PDGFRB: variants seen among roughly 807,000 people sequenced by gnomAD.
PDGFRB encodes the protein platelet derived growth factor receptor beta, also known as platelet-derived growth factor receptor beta.
PDGFRB carries 42 observed loss-of-function variants against 120.2 expected under a neutral mutation model. The ratio of observed to expected loss-of-function variants is 0.35; its 90% CI spans 0.27 to 0.45. The LOEUF (loss-of-function observed/expected upper bound fraction) is 0.45. PDGFRB is among the 20% of genes least tolerant of loss of function. The pLI is 1.00. For synonymous variants in PDGFRB, 586 were observed against 606.8 expected (o/e 0.97, Z 0.50); for missense variants, 1,149 against 1,476.3 (o/e 0.78, Z 3.63).
rs1258691918 is a variant in PDGFRB, at chr5:150,120,824, G to A, written c.2586+64C>T. ...TGAGCTGCAGCCACACTGGTCAGGA[G>A]GGAATCTGTTCCTGCGGTCACAGGC... is the stretch of plus-strand genomic sequence containing the variant. On this transcript the variant is annotated intron_variant, in intron 18 of 22. Coordinates refer to ENST00000261799, the MANE Select transcript of PDGFRB (RefSeq NM_002609.4). This position sits in a 1 kb window ranked among gnomAD's most constrained non-coding sequence, Gnocchi z 4.3. 2 of 1,514,794 alleles carry A rather than the reference G, an allele frequency of 1.3e-6. No homozygotes were observed. The highest frequency in any genetic ancestry group is 2.3e-5 in the East Asian group (1 of 44,206). The allele number at this position is 1,514,794 out of a possible 1,614,324, so 93.8% of individuals were successfully genotyped here. A position where few individuals can be genotyped will look rare whatever the true frequency, so the allele number is the denominator to read the frequency against.
rs1275782243 is a variant in PDGFRB at position 150,135,567 on chromosome 5, T to C, written c.352A>G (p.Ile118Val). 1 of 1,604,690 alleles carries C rather than the reference T, an allele frequency of 6.2e-7. No homozygotes were observed. Among genetic ancestry groups the C allele is most frequent in the Admixed American group, 1.7e-5 (1 of 59,558 alleles). Residue 118 changes from isoleucine to valine, a missense_variant, in exon 3 of 23, where the codon ATC (isoleucine) becomes GTC (valine). Ile to Val is a conservative substitution (Grantham distance 29). This residue lies in a region of PDGFRB where 879 missense variants were observed against 1,108.6 expected (regional missense o/e 0.79). Coordinates refer to ENST00000261799, the MANE Select transcript of PDGFRB (RefSeq NM_002609.4). ...LETDERKRLY[I>V]FVPDPTVGFL... ...TGGGAGCCCTTACCTGGCACAAAGA[T>C]GTAGAGCCGTTTCCGCTCATCGGTC...
At chr5:150,117,456 C>A (rs1336785064) in intron 22 of PDGFRB, among the ~76,000 whole-genome samples, 162 bp downstream of exon 22, 3 of 151,936 alleles carry the variant, frequency 2.0e-5, no homozygotes, top group Non-Finnish European at 4.4e-5. Flanking sequence ...AAATGAGTTC[C>A]ATTCTGTCTT....
chr5:150,147,484 GGGCAGGGGACA>G (rs1760958091), intron 1 of PDGFRB, among the ~76,000 whole-genome samples: 1 of 152,196 alleles, frequency 6.6e-6, no homozygotes, highest in South Asian at 2.1e-4. Context: ...AGAGCCAAGT[GGGCAGGGGACA>G]GGCAGGCCTT....
Position 150,121,616 on chromosome 5 carries a change from T to A in PDGFRB, c.2344+264A>T, listed in dbSNP as rs752056747. Among the ~76,000 whole-genome samples the A allele has an allele frequency of 4.3e-4, 65 of 152,194 alleles. No individual in the cohort carries two copies. Among genetic ancestry groups the A allele is most frequent in the Admixed American group, 3.3e-4 (5 of 15,286 alleles). On this transcript the variant is annotated intron_variant, in intron 16 of 22. Coordinates refer to ENST00000261799, the MANE Select transcript of PDGFRB (RefSeq NM_002609.4). This position sits in a 1 kb window ranked among gnomAD's most constrained non-coding sequence, Gnocchi z 4.1. ...GGGGCTGAAGCTGAGTAGATCACTT[T>A]CCCTACCACGACAAAAGGCCAGGTC... is the stretch of plus-strand genomic sequence containing the variant.
chr5:150,123,269 T>A, intron 14 of PDGFRB, 68 bp from the exon 15 acceptor site: 1 of 1,252,620 alleles, frequency 8.0e-7, no homozygotes, highest in Non-Finnish European at 1.2e-6. Flanking sequence ...GCCATGAGGC[T>A]AATCAGGGGC....
chr5:150,147,201 C>T (rs1760946596), intron 1 of PDGFRB, among the ~76,000 whole-genome samples: 1 of 152,168 alleles, frequency 6.6e-6, no homozygotes. Context: ...TTGCAGAGGG[C>T]CAGGGCCTCT....
In PDGFRB at chr5:150,155,643, A is replaced by G. The variant is rs1261651495; in HGVS notation, c.-253T>C. ...CCCAGCTTCGCCTCACTCCCCAAGC[A>G]TCCTTCGGGAGGAGCAGAGCCGCCA... On this transcript the variant is annotated 5_prime_UTR_variant, in exon 1 of 23. An upstream start codon of the reference 5' UTR is lost. Transcript: ENST00000261799. The G allele has an allele frequency of 2.5e-6, 1 of 398,640 alleles. No homozygotes were observed. The highest frequency in any genetic ancestry group is 4.4e-6 in the Non-Finnish European group (1 of 226,204). 24.7% of individuals were successfully genotyped at this position (398,640 alleles called of 1,614,324 possible).
intron 1 of PDGFRB, among the ~76,000 whole-genome samples, chr5:150,154,843 C>T: frequency 6.6e-6 from 1 of 152,220 alleles, no homozygotes; most frequent in East Asian, 1.9e-4. Flanking sequence ...TTTCCTAGCC[C>T]TCAAACTTTT....
At chr5:150,133,026 C>T (rs2113907481) in intron 6 of PDGFRB, 84 bp from the exon 7 acceptor site, 1 of 966,324 alleles carries the variant, frequency 1.0e-6, no homozygotes, top group Admixed American at 2.3e-5. Context: ...TGGGGTGGGG[C>T]TTCAGGCCTG....
At chr5:150,141,295 A>C (rs1760777449) in intron 1 of PDGFRB, among the ~76,000 whole-genome samples, 1 of 152,242 alleles carries the variant, frequency 6.6e-6, no homozygotes, top group Non-Finnish European at 1.5e-5. Flanking sequence ...ATAGAACCCC[A>C]AATTCACCTG....
rs1257301969 is a variant in PDGFRB, at chr5:150,120,287, C to T, written c.2587-164G>A. 2.6e-5 allele frequency among the ~76,000 whole-genome samples: 4 copies of T among 152,190 alleles called. No homozygotes were observed. The highest frequency in any genetic ancestry group is 4.4e-5 in the Non-Finnish European group (3 of 68,030). On this transcript the variant is annotated intron_variant, in intron 18 of 22. Transcript: ENST00000261799. The surrounding 1 kb of genome is among the most constrained non-coding windows in gnomAD (Gnocchi z 4.3). The stretch of plus-strand genomic sequence containing the variant: ...TGCGCAGCACAGTTCCCATGTCCAT[C>T]CCAGGGCTGGTCAGAGGACCAGAGG...
At chr5:150,150,530 G>A (rs1761046417) in intron 1 of PDGFRB, among the ~76,000 whole-genome samples, 1 of 151,826 alleles carries the variant, frequency 6.6e-6, no homozygotes, top group Non-Finnish European at 1.5e-5. Context: ...GGATTTTAAT[G>A]CGGTTAAAGC....
intron 11 of PDGFRB, among the ~76,000 whole-genome samples, 179 bp downstream of exon 11, chr5:150,126,341 G>A (rs1361270437): frequency 6.6e-6 from 1 of 152,120 alleles, no homozygotes; most frequent in Admixed American, 6.5e-5. Context: ...GCTCAGGTTG[G>A]CCCAGACTGC....
chr5:150,121,856 T>A lies in PDGFRB; in HGVS notation c.2344+24A>T. ...AGCATCAGCCTGTTTGGATGTGGGG[T>A]ACTATGTCACTATGTCCACCCACCA... On this transcript the variant is annotated intron_variant, in intron 16 of 22. Transcript: ENST00000261799. The surrounding 1 kb of genome is among the most constrained non-coding windows in gnomAD (Gnocchi z 4.1). The A allele has an allele frequency of 6.3e-7, 1 of 1,578,686 alleles. No individual in the cohort carries two copies. The highest frequency in any genetic ancestry group is 2.2e-5 in the East Asian group (1 of 44,700).
At position 150,155,431 on chromosome 5, in the gene PDGFRB, C is replaced by G. The variant is rs1410495842; in HGVS notation, c.-41G>C. ...GATGGCTTCTGGTGTGGGCACAGTT[C>G]CAGGCTCTGGACAGTCACCCCCTCC... is the stretch of plus-strand genomic sequence containing the variant. On this transcript the variant is annotated 5_prime_UTR_variant, in exon 1 of 23. Coordinates refer to ENST00000261799, the MANE Select transcript of PDGFRB (RefSeq NM_002609.4). The G allele has an allele frequency of 5.1e-6, 2 of 392,108 alleles. No homozygotes were observed. The highest frequency in any genetic ancestry group is 9.0e-5 in the Admixed American group (2 of 22,314). The allele number at this position is 392,108 out of a possible 1,614,324, so 24.3% of individuals were successfully genotyped here. A position where few individuals can be genotyped will look rare whatever the true frequency, so the allele number is the denominator to read the frequency against.
rs1178411516 is a variant in PDGFRB, at chr5:150,126,430, T to A, written c.1674+90A>T. 8 of 790,380 alleles carry A rather than the reference T, an allele frequency of 1.0e-5. 1 individual carries two copies. Among genetic ancestry groups the A allele is most frequent in the South Asian group, 9.8e-5 (7 of 71,678 alleles). The allele number at this position is 790,380 out of a possible 1,614,324, so 49.0% of individuals were successfully genotyped here. A position where few individuals can be genotyped will look rare whatever the true frequency, so the allele number is the denominator to read the frequency against. On this transcript the variant is annotated intron_variant, in intron 11 of 22. Transcript: ENST00000261799. The stretch of plus-strand genomic sequence containing the variant: ...ATGCTGAGCCCTGCATGTGGCCAGA[T>A]CACGCAGCATTCAAGGAGGGCAGAG...
rs1267571237 is a variant in PDGFRB, at chr5:150,125,533, G to A, written c.1719C>T (p.Ser573=). ...CGTAGATGTACTCATGGCCGTCAGA[G>A]CTCACAGACTCAATCACCTTCCATC... ...EIRWKVIESV[S]SDGHEYIYVD... Residue 573 remains serine, a synonymous_variant, in exon 12 of 23, where the codon AGC becomes AGT. Transcript: ENST00000261799. 1 of 1,613,786 alleles carries A rather than the reference G, an allele frequency of 6.2e-7. No individual in the cohort carries two copies. The highest frequency in any genetic ancestry group is 1.3e-5 in the African/African-American group (1 of 74,930).
chr5:150,139,748 G>A (rs1046852933), intron 1 of PDGFRB, among the ~76,000 whole-genome samples: 4 of 152,102 alleles, frequency 2.6e-5, no homozygotes, highest in Admixed American at 6.5e-5. Context: ...TTGGGAGGCC[G>A]AGCCAGGCGG....
chr5:150,152,238 C>T (rs4583877), intron 1 of PDGFRB, among the ~76,000 whole-genome samples: 72,685 of 152,006 alleles, frequency 0.48, 19,049 homozygotes, highest in African/African-American at 0.7. Flanking sequence ...TAAATATTTA[C>T]TAAGAATGTC....
Sources: gnomAD v4.1 joint callset for allele counts (sites outside exome capture counted in the v4.1 genomes callset) on GRCh38, gnomAD v4.1.1 for gene constraint, gnomAD v4.1.1 regional missense constraint, Gnocchi (gnomAD v3.1) non-coding constraint, MANE v1.5 for transcripts, NCBI Gene and HGNC (gene_info 2026-07-23, HGNC 2026-07-21) for gene names.